Variants in ABCG2 observed in about 807,000 individuals in gnomAD.
The protein encoded by ABCG2 is ATP binding cassette subfamily G member 2 (JR blood group).
Under a neutral mutation model 73.5 loss-of-function variants are expected in ABCG2, and 80 were observed. The observed-to-expected ratio is 1.09, with a 90% CI of 0.91 to 1.31. The LOEUF is 1.31. Among genes scored for constraint, ABCG2 ranks in the 50% most tolerant of loss-of-function variants. The pLI, the probability that ABCG2 is intolerant of heterozygous loss-of-function variation, is 0.00. For synonymous variants in ABCG2, 269 were observed against 282.4 expected, an observed-to-expected ratio of 0.95 and a Z score of 0.48; for missense variants, 796 against 786.2, an observed-to-expected ratio of 1.01 and a Z score of -0.15.
At chr4:88,131,394 A>G (rs1323299921) in intron 4 of ABCG2, among the ~76,000 whole-genome samples, 181 bp from the exon 5 acceptor site, 1 of 152,218 alleles carries the variant, frequency 6.6e-6, no homozygotes, top group Non-Finnish European at 1.5e-5. Flanking sequence ...AAAGCCTGCT[A>G]TAATCATTTT....
chr4:88,203,754 CAAAAAAAA>C (rs34988728), intron 1 of ABCG2, among the ~76,000 whole-genome samples: 1 of 131,754 alleles, frequency 7.6e-6, no homozygotes, highest in African/African-American at 2.9e-5. Flanking sequence ...AACTCAGTTT[CAAAAAAAA>C]AAAAAAAAAG....
At chr4:88,230,437 T>C (rs1730421504) in intron 1 of ABCG2, among the ~76,000 whole-genome samples, 1 of 151,402 alleles carries the variant, frequency 6.6e-6, no homozygotes, top group African/African-American at 2.4e-5. Flanking sequence ...CCACACCAGA[T>C]GAGGCATGAT....
chr4:88,186,829 G>A (rs1200070021), intron 1 of ABCG2, among the ~76,000 whole-genome samples: 2 of 147,262 alleles, frequency 1.4e-5, no homozygotes, highest in African/African-American at 5.0e-5. Context: ...TGAGGCAGGA[G>A]AATGGCGTGA....
At position 88,091,609 on chromosome 4, in the gene ABCG2, TG is replaced by T. The variant is rs1172699317; in HGVS notation, c.*624del. ...TGCAAGAATTCTATTACTGGACTCC[TG>T]GCCCTCTACTCTACCCACAGTTCCA... On this transcript the variant is annotated 3_prime_UTR_variant, in exon 16 of 16. Coordinates refer to ENST00000237612, the MANE Select transcript of ABCG2 (RefSeq NM_004827.3). The T allele has an allele frequency of 6.6e-6, 1 of 152,252 alleles. No homozygotes were observed. The highest frequency in any genetic ancestry group is 1.5e-5 in the Non-Finnish European group (1 of 68,094). 9.4% of individuals were successfully genotyped at this position (152,252 alleles called of 1,614,324 possible). A position where few individuals can be genotyped will look rare whatever the true frequency, so the allele number is the denominator to read the frequency against.
At chr4:88,174,672 G>A (rs898370249) in intron 1 of ABCG2, among the ~76,000 whole-genome samples, 1 of 152,150 alleles carries the variant, frequency 6.6e-6, no homozygotes, top group African/African-American at 2.4e-5. Context: ...GATTACAGGC[G>A]TGAGCCACCA....
At chr4:88,106,660 T>G (rs1050256245) in intron 10 of ABCG2, among the ~76,000 whole-genome samples, 21 of 152,188 alleles carry the variant, frequency 1.4e-4, no homozygotes, top group Non-Finnish European at 2.5e-4. Flanking sequence ...ATATTCCACT[T>G]GAGAAGACAA....
At chr4:88,155,817 A>T (rs1032013147) in intron 1 of ABCG2, among the ~76,000 whole-genome samples, 1 of 152,064 alleles carries the variant, frequency 6.6e-6, no homozygotes, top group Non-Finnish European at 1.5e-5. Context: ...GAGGCAGGAG[A>T]ATTGCTTGAA....
chr4:88,210,127 A>C (rs1482988047), intron 1 of ABCG2, among the ~76,000 whole-genome samples: 5 of 152,106 alleles, frequency 3.3e-5, no homozygotes, highest in Non-Finnish European at 5.9e-5. Flanking sequence ...TGGTAATAAA[A>C]TGTTTTGATT....
In ABCG2 at chr4:88,115,281, TATA is replaced by T. The variant is rs1560675280; in HGVS notation, c.842-226_842-224del. Among the ~76,000 whole-genome samples the T allele has an allele frequency of 1.3e-4, 15 of 113,706 alleles. 4 individuals are homozygous for T. The highest frequency in any genetic ancestry group is 3.1e-4 in the East Asian group (1 of 3,204). The allele number at this position is 113,706 out of a possible 152,430, so 74.6% of individuals were successfully genotyped here. A position where few individuals can be genotyped will look rare whatever the true frequency, so the allele number is the denominator to read the frequency against. On this transcript the variant is annotated intron_variant, in intron 7 of 15. Transcript: ENST00000237612. ...CTATATATATATATATATATATATA[TATA>T]ATTTATTTATTTATTTTGAGACAGG...
chr4:88,096,147 A>G (rs1721968860), intron 13 of ABCG2, among the ~76,000 whole-genome samples: 2 of 152,230 alleles, frequency 1.3e-5, no homozygotes, highest in Admixed American at 6.5e-5. Context: ...AAAGTCTAGA[A>G]CTGATACAGA....
intron 1 of ABCG2, among the ~76,000 whole-genome samples, chr4:88,167,225 G>A (rs1727559515): frequency 6.6e-6 from 1 of 151,878 alleles, no homozygotes; most frequent in African/African-American, 2.4e-5. Flanking sequence ...TTGGTTCCAA[G>A]ACTGAGTTTC....
chr4:88,094,731 A>C, intron 14 of ABCG2, 72 bp from the exon 15 acceptor site: 1 of 1,141,578 alleles, frequency 8.8e-7, no homozygotes, highest in Non-Finnish European at 1.3e-6. Flanking sequence ...AGTTATCACA[A>C]TCATGCCCTC....
At chr4:88,172,816 C>T (rs1727808453) in intron 1 of ABCG2, among the ~76,000 whole-genome samples, 1 of 151,964 alleles carries the variant, frequency 6.6e-6, no homozygotes, top group Admixed American at 6.6e-5. Flanking sequence ...TTCTGGCTTG[C>T]CCATTCTGAG....
chr4:88,229,576 T>C (rs1730368617), intron 1 of ABCG2, among the ~76,000 whole-genome samples: 1 of 152,246 alleles, frequency 6.6e-6, no homozygotes, highest in African/African-American at 2.4e-5. Context: ...CGCCCATGCA[T>C]GTGTGGGAAA....
rs1397248107 is a variant in ABCG2 at position 88,157,652 on chromosome 4, C to T, written c.-20+734G>A. On this transcript the variant is annotated intron_variant, in intron 1 of 15. Transcript: ENST00000237612. The stretch of plus-strand genomic sequence containing the variant: ...GTTAGACTTAACATGCCATCTTTGT[C>T]GTTGAAACCTTTCTCATCAAGATCT... Among the ~76,000 whole-genome samples the T allele has an allele frequency of 7.9e-5, 12 of 152,240 alleles. No homozygotes were observed. The East Asian group carries it at 2.1e-3, about 27-fold the overall frequency.
At chr4:88,187,050 C>T (rs1182982397) in intron 1 of ABCG2, among the ~76,000 whole-genome samples, 5 of 130,518 alleles carry the variant, frequency 3.8e-5, no homozygotes, top group Non-Finnish European at 7.8e-5. Flanking sequence ...ACTGAGACTG[C>T]GCCACTGCAC....
intron 1 of ABCG2, among the ~76,000 whole-genome samples, chr4:88,152,874 A>G (rs1021999107): frequency 2.0e-5 from 3 of 152,102 alleles, no homozygotes; most frequent in Non-Finnish European, 4.4e-5. Flanking sequence ...CGGCGTGGGA[A>G]CCTAAAGTGG....
rs997226349 is a variant in ABCG2 at position 88,094,575 on chromosome 4, ACGTTG to A, written c.1817_1820+1del. ...CCATTTTGACACTGAACAAAAACTT[ACGTTG>A]CATAGTTACAAGGATTGTTTCCTGT... On this transcript the variant is annotated splice_donor_variant and coding_sequence_variant, in exon 15 of 16. Coordinates refer to ENST00000237612, the MANE Select transcript of ABCG2 (RefSeq NM_004827.3). LOFTEE classifies it high-confidence loss of function. The A allele has an allele frequency of 6.2e-7, 1 of 1,612,534 alleles. No individual in the cohort carries two copies. The highest frequency in any genetic ancestry group is 8.5e-7 in the Non-Finnish European group (1 of 1,178,656).
chr4:88,205,859 T>A (rs1729355848), intron 1 of ABCG2, among the ~76,000 whole-genome samples: 1 of 152,066 alleles, frequency 6.6e-6, no homozygotes, highest in South Asian at 2.1e-4. Flanking sequence ...ATTTTTGTAT[T>A]TTTAGTAGAG....
Sources: gnomAD v4.1 joint callset for allele counts (sites outside exome capture counted in the v4.1 genomes callset) on GRCh38, gnomAD v4.1.1 for gene constraint, MANE v1.5 for transcripts, NCBI Gene and HGNC (gene_info 2026-07-23, HGNC 2026-07-21) for gene names.